Variants in MBNL3 observed in about 807,000 individuals in gnomAD.
MBNL3 encodes the protein muscleblind-like protein 3.
MBNL3 carries 6 observed loss-of-function variants against 24.5 expected under a neutral mutation model. The observed-to-expected ratio is 0.25, with a 90% CI of 0.13 to 0.48. MBNL3 has a LOEUF of 0.48. Ranked by LOEUF, MBNL3 falls within the 20% of genes least tolerant of loss-of-function variation. The pLI is 0.99. For synonymous variants in MBNL3, 100 were observed against 101.7 expected (o/e 0.98, Z 0.10); for missense variants, 230 against 293.5 (o/e 0.78, Z 1.58).
chrX:132,392,118 T>C, intron 4 of MBNL3, 25 bp downstream of exon 4: 1 of 1,119,980 alleles, frequency 8.9e-7, no homozygotes, highest in Non-Finnish European at 1.2e-6. Flanking sequence ...ATTCTACAGG[T>C]ATTTATATAT....
intron 2 of MBNL3, chrX:132,431,805 C>A (rs1333481304): frequency 8.9e-6 from 1 of 111,954 alleles, no homozygotes; most frequent in Non-Finnish European, 1.9e-5. Flanking sequence ...TGTGTCCTTT[C>A]TAATCCACAC....
chrX:132,388,686 G>A (rs969467979), intron 5 of MBNL3, among the ~76,000 whole-genome samples: 1 of 111,260 alleles, frequency 9.0e-6, no homozygotes, highest in Admixed American at 9.6e-5. Context: ...TCATAAACCT[G>A]CCGAAGAGGT....
chrX:132,374,953 G>A lies in MBNL3; in HGVS notation c.*4713C>T, dbSNP rs1933992062. 1 of 111,695 alleles carries A rather than the reference G, an allele frequency of 9.0e-6. No homozygotes were observed. Among genetic ancestry groups the A allele is most frequent in the African/African-American group, 3.2e-5 (1 of 30,815 alleles). 9.2% of individuals were successfully genotyped at this position (111,695 alleles called of 1,213,427 possible). On this transcript the variant is annotated 3_prime_UTR_variant, in exon 9 of 9. Transcript: ENST00000370853. ...ATTAAAAATGCAATGATTGCGTTTT[G>A]AAGTCTAAATACTGTGGAATAACCC...
chrX:132,467,757 G>A (rs138139163), intron 1 of MBNL3, among the ~76,000 whole-genome samples: 2,512 of 111,321 alleles, frequency 0.023, 60 homozygotes, highest in African/African-American at 0.078. Flanking sequence ...TAGCTCCATC[G>A]CTCTTTTAGG....
intron 2 of MBNL3, among the ~76,000 whole-genome samples, chrX:132,437,021 A>T (rs1304955487): frequency 8.9e-6 from 1 of 111,788 alleles, no homozygotes; most frequent in African/African-American, 3.2e-5. Context: ...ATTGGCTATT[A>T]TCTATTTTGT....
intron 1 of MBNL3, among the ~76,000 whole-genome samples, chrX:132,445,516 C>T (rs1013531027): frequency 9.0e-6 from 1 of 110,835 alleles, no homozygotes; most frequent in Non-Finnish European, 1.9e-5. Context: ...TAAAGCTTTG[C>T]TGCATTTTTT....
At chrX:132,418,319 T>G (rs764756921) in intron 2 of MBNL3, among the ~76,000 whole-genome samples, 1 of 112,211 alleles carries the variant, frequency 8.9e-6, no homozygotes, top group Non-Finnish European at 1.9e-5. Context: ...TGTTGTGGAT[T>G]TACCACGTGC....
At chrX:132,426,124 CAA>C (rs763518518) in intron 2 of MBNL3, among the ~76,000 whole-genome samples, 12 of 112,003 alleles carry the variant, frequency 1.1e-4, no homozygotes, top group Non-Finnish European at 2.3e-4. Flanking sequence ...CTCCCTCTTT[CAA>C]AGTGTTTCAA....
intron 2 of MBNL3, among the ~76,000 whole-genome samples, chrX:132,433,899 T>C (rs190283645): frequency 8.9e-6 from 1 of 112,051 alleles, no homozygotes; most frequent in Non-Finnish European, 1.9e-5. Flanking sequence ...TGGAATGTTC[T>C]TAGAAATCCT....
chrX:132,424,526 A>G (rs1297071814), intron 2 of MBNL3, among the ~76,000 whole-genome samples: 1 of 112,109 alleles, frequency 8.9e-6, no homozygotes, highest in East Asian at 2.8e-4. Flanking sequence ...CAACGAAAGC[A>G]GAGGAGTTTA....
intron 2 of MBNL3, among the ~76,000 whole-genome samples, chrX:132,425,093 T>G (rs1326018080): frequency 8.9e-6 from 1 of 112,108 alleles, no homozygotes; most frequent in Non-Finnish European, 1.9e-5. Context: ...TATTTAAAAA[T>G]CATTTTAAGG....
chrX:132,478,988 G>C (rs1477338791), intron 1 of MBNL3, among the ~76,000 whole-genome samples: 1 of 112,301 alleles, frequency 8.9e-6, no homozygotes, highest in African/African-American at 3.2e-5. Context: ...GGTGGCTCAC[G>C]CCTGTAATCC....
chrX:132,485,966 G>C lies in MBNL3; in HGVS notation c.-704+2885C>G, dbSNP rs1266123366. Among the ~76,000 whole-genome samples the C allele has an allele frequency of 4.5e-5, 5 of 112,253 alleles. No individual in the cohort carries two copies. In the Admixed American group the frequency reaches 4.7e-4, roughly 11 times the overall value. On this transcript the variant is annotated intron_variant, in intron 1 of 8. Transcript: ENST00000370853. ...AAACTCACCAGCATGGAAGAACCTT[G>C]ATGAAGTAAAGGTGAGTGTAGCCTT...
intron 1 of MBNL3, among the ~76,000 whole-genome samples, chrX:132,468,070 C>A (rs756593184): frequency 1.8e-5 from 2 of 112,109 alleles, no homozygotes; most frequent in Non-Finnish European, 3.8e-5. Flanking sequence ...ATGCTACTGG[C>A]TGACTAAAAT....
chrX:132,447,343 G>A (rs1945784252), intron 1 of MBNL3, among the ~76,000 whole-genome samples: 1 of 111,705 alleles, frequency 9.0e-6, no homozygotes, highest in African/African-American at 3.3e-5. Flanking sequence ...ATTACTTTGG[G>A]CAGTATGGCC....
In MBNL3 at chrX:132,378,462, G is replaced by A. The variant is rs1047425210; in HGVS notation, c.*1204C>T. On this transcript the variant is annotated 3_prime_UTR_variant, in exon 9 of 9. Transcript: ENST00000370853. Reference sequence around the variant, plus strand: ...TTCTCTTTCACCCTGACTGACTTTTGCTAGATTGCATCTTACTTGTTATTC... The same window carrying A: ...TTCTCTTTCACCCTGACTGACTTTTACTAGATTGCATCTTACTTGTTATTC... The A allele has an allele frequency of 9.0e-6, 1 of 111,645 alleles. No homozygotes were observed. Among genetic ancestry groups the A allele is most frequent in the Non-Finnish European group, 1.9e-5 (1 of 53,035 alleles). The allele number at this position is 111,645 out of a possible 1,213,427, so 9.2% of individuals were successfully genotyped here.
At chrX:132,413,511 G>C (rs1436209669) in intron 2 of MBNL3, 2 of 1,165,365 alleles carry the variant, frequency 1.7e-6, no homozygotes, top group South Asian at 3.8e-5. Flanking sequence ...CCTCTCCATG[G>C]AATCAGCCCA....
At position 132,439,804 on chromosome X, in the gene MBNL3, A is replaced by T. The variant is rs763435938; in HGVS notation, c.-193T>A. ...GTCAAACAAAAAGCCAATCATAAAA[A>T]CTATCAGAATAACTAAAAATGAAAT... On this transcript the variant is annotated 5_prime_UTR_variant, in exon 2 of 9. Coordinates refer to ENST00000370853, the MANE Select transcript of MBNL3 (RefSeq NM_001386889.1). 7.3e-5 allele frequency: 40 copies of T among 547,106 alleles called. No homozygotes were observed. In the South Asian group the frequency reaches 4.0e-3, roughly 55 times the overall value. The allele number at this position is 547,106 out of a possible 1,213,427, so 45.1% of individuals were successfully genotyped here. A position where few individuals can be genotyped will look rare whatever the true frequency, so the allele number is the denominator to read the frequency against.
intron 2 of MBNL3, chrX:132,411,252 T>A (rs921027610): frequency 4.0e-6 from 3 of 751,984 alleles, no homozygotes; most frequent in Non-Finnish European, 4.7e-6. Context: ...CACAGGGCAA[T>A]GACTTTGGCG....
Sources: gnomAD v4.1 joint callset for allele counts (sites outside exome capture counted in the v4.1 genomes callset) on GRCh38, gnomAD v4.1.1 for gene constraint, MANE v1.5 for transcripts, NCBI Gene and HGNC (gene_info 2026-07-23, HGNC 2026-07-21) for gene names.